GABRA3: variants seen among roughly 807,000 people sequenced by gnomAD.
GABRA3 encodes the protein gamma-aminobutyric acid receptor subunit alpha-3.
A neutral mutation model predicts 30.1 loss-of-function variants in GABRA3; 10 were observed. That is an observed-to-expected ratio of 0.33 (90% CI 0.20 to 0.56). The LOEUF is 0.56. Ranked by LOEUF, GABRA3 falls within the 20% of genes least tolerant of loss-of-function variation. The probability of loss-of-function intolerance (pLI) is 0.89; values close to 1 mark genes in which losing one functional copy is unlikely to be tolerated. For missense variants in GABRA3, 233 were observed against 392.0 expected (o/e 0.59, Z 3.42); for synonymous variants, 151 against 146.8 (o/e 1.03, Z -0.21).
intron 3 of GABRA3, among the ~76,000 whole-genome samples, chrX:152,285,295 A>C (rs913984907): frequency 3.6e-5 from 4 of 112,315 alleles, no homozygotes; most frequent in African/African-American, 9.7e-5. Flanking sequence ...TGATGAGCTA[A>C]TATATGGAGG....
intron 4 of GABRA3, among the ~76,000 whole-genome samples, chrX:152,258,731 A>T (rs1938679119): frequency 8.9e-6 from 1 of 111,920 alleles, no homozygotes; most frequent in African/African-American, 3.3e-5. Flanking sequence ...ACTTATGTTG[A>T]CTTCTTAAAT....
chrX:152,424,002 T>C (rs1329588646), intron 1 of GABRA3, among the ~76,000 whole-genome samples: 1 of 111,655 alleles, frequency 9.0e-6, no homozygotes, highest in Non-Finnish European at 1.9e-5. Context: ...ATTTGAAAGT[T>C]AGCTATTTTA....
intron 3 of GABRA3, among the ~76,000 whole-genome samples, chrX:152,292,436 G>T (rs12687401): frequency 0.21 from 23,414 of 109,784 alleles, 2,295 homozygotes; most frequent in African/African-American, 0.39. Context: ...TTCTTCTCTC[G>T]TTTCTTCTTT....
chrX:152,197,318 A>C, intron 8 of GABRA3, among the ~76,000 whole-genome samples: 1 of 111,595 alleles, frequency 9.0e-6, no homozygotes, highest in Non-Finnish European at 1.9e-5. Flanking sequence ...TTGGTTTCTA[A>C]CCCTTTAACT....
chrX:152,329,004 T>A (rs928305661), intron 3 of GABRA3, among the ~76,000 whole-genome samples: 5 of 112,246 alleles, frequency 4.5e-5, no homozygotes, highest in Admixed American at 3.8e-4. Flanking sequence ...CAGCAAAGTC[T>A]CTGGATACAA....
intron 1 of GABRA3, among the ~76,000 whole-genome samples, chrX:152,397,708 C>T (rs767858235): frequency 2.7e-5 from 3 of 111,740 alleles, no homozygotes; most frequent in Non-Finnish European, 5.7e-5. Flanking sequence ...TTTTATTTTT[C>T]TTTTCTTTCT....
intron 1 of GABRA3, among the ~76,000 whole-genome samples, chrX:152,414,315 T>G (rs944034991): frequency 2.3e-4 from 26 of 111,411 alleles, no homozygotes; most frequent in African/African-American, 8.5e-4. Context: ...ATTACTGGTA[T>G]CAAGTACTGC....
chrX:152,398,567 G>GA (rs35970721), intron 1 of GABRA3, among the ~76,000 whole-genome samples: 1 of 110,304 alleles, frequency 9.1e-6, no homozygotes, highest in East Asian at 2.9e-4. Context: ...GAAGGGTATA[G>GA]AAAAAAAACT....
intron 7 of GABRA3, among the ~76,000 whole-genome samples, chrX:152,198,081 C>T (rs1189215767): frequency 8.9e-6 from 1 of 112,187 alleles, no homozygotes; most frequent in Non-Finnish European, 1.9e-5. Context: ...TCTTCTACAG[C>T]ACTTGCTATG....
chrX:152,365,726 T>C (rs1173021232), intron 1 of GABRA3, among the ~76,000 whole-genome samples: 1 of 111,393 alleles, frequency 9.0e-6, no homozygotes, highest in Non-Finnish European at 1.9e-5. Flanking sequence ...AAGGAGCTAT[T>C]CTGGTTGGTG....
intron 3 of GABRA3, among the ~76,000 whole-genome samples, chrX:152,298,506 A>C (rs1939573696): frequency 9.1e-6 from 1 of 109,296 alleles, no homozygotes; most frequent in Admixed American, 9.8e-5. Flanking sequence ...TAGTTTGCTG[A>C]GAATGATGGT....
intron 6 of GABRA3, among the ~76,000 whole-genome samples, chrX:152,209,568 TA>T (rs1362548188): frequency 2.7e-5 from 3 of 111,827 alleles, no homozygotes; most frequent in Admixed American, 1.9e-4. Flanking sequence ...ACAAAGCAAA[TA>T]ATTTCTGGTG....
chrX:152,361,350 G>A (rs897948284), intron 2 of GABRA3, among the ~76,000 whole-genome samples: 2 of 108,899 alleles, frequency 1.8e-5, no homozygotes, highest in African/African-American at 3.3e-5. Flanking sequence ...TGAGGCGGGC[G>A]GATCACAAGG....
In GABRA3 at chrX:152,442,120, G is replaced by GT. The variant is rs1361390800; in HGVS notation, c.-27+9025dup. Reference sequence around the variant, plus strand: ...ATATATAAATAAGTCTTATGAATCAGTAAGAAGAAGCAACTGAATAGAAAA... The same window carrying GT: ...ATATATAAATAAGTCTTATGAATCAGTTAAGAAGAAGCAACTGAATAGAAAA... On this transcript the variant is annotated intron_variant, in intron 1 of 9. Coordinates refer to ENST00000370314, the MANE Select transcript of GABRA3 (RefSeq NM_000808.4). Among the ~76,000 whole-genome samples, 160 of 111,673 alleles carry GT rather than the reference G, an allele frequency of 1.4e-3. 1 individual carries two copies. Among genetic ancestry groups the GT allele is most frequent in the Middle Eastern group, 9.3e-3 (2 of 216 alleles).
intron 1 of GABRA3, among the ~76,000 whole-genome samples, chrX:152,423,142 G>C (rs2124539712): frequency 8.9e-6 from 1 of 112,063 alleles, no homozygotes; most frequent in East Asian, 2.8e-4. Context: ...AAGCATTGTA[G>C]TACTAGAATA....
intron 6 of GABRA3, among the ~76,000 whole-genome samples, 166 bp downstream of exon 6, chrX:152,224,597 T>C (rs1937902063): frequency 8.9e-6 from 1 of 111,746 alleles, no homozygotes; most frequent in Admixed American, 9.5e-5. Flanking sequence ...CTCCTCCCCC[T>C]GATTAGTTAG....
chrX:152,317,959 C>T (rs1939903661), intron 3 of GABRA3, among the ~76,000 whole-genome samples: 1 of 110,484 alleles, frequency 9.1e-6, no homozygotes, highest in Admixed American at 9.7e-5. Flanking sequence ...AAAGAAATAA[C>T]CAAGATTAGA....
intron 1 of GABRA3, among the ~76,000 whole-genome samples, chrX:152,439,564 G>A (rs768691412): frequency 3.6e-5 from 4 of 111,490 alleles, no homozygotes; most frequent in Non-Finnish European, 7.5e-5. Flanking sequence ...TATAAAGTTA[G>A]ACATTTACTT....
chrX:152,436,737 C>T (rs1930785985), intron 1 of GABRA3, among the ~76,000 whole-genome samples: 1 of 111,345 alleles, frequency 9.0e-6, no homozygotes, highest in Non-Finnish European at 1.9e-5. Flanking sequence ...CAAAAGTCAT[C>T]TAAACATGCA....
Sources: gnomAD v4.1 joint callset for allele counts (sites outside exome capture counted in the v4.1 genomes callset) on GRCh38, gnomAD v4.1.1 for gene constraint, MANE v1.5 for transcripts, NCBI Gene and HGNC (gene_info 2026-07-23, HGNC 2026-07-21) for gene names.